Variants in CCDC171 observed in about 807,000 individuals in gnomAD.
CCDC171 encodes the protein coiled-coil domain containing 171.
Under a neutral mutation model 168.2 loss-of-function variants are expected in CCDC171, and 177 were observed. The ratio of observed to expected loss-of-function variants is 1.05; its 90% CI spans 0.93 to 1.19. The LOEUF is 1.19. Ranked by LOEUF, CCDC171 falls within the 50% of genes most tolerant of loss-of-function variation. The pLI is 0.00. For synonymous variants in CCDC171, 687 were observed against 540.8 expected, an observed-to-expected ratio of 1.27 and a Z score of -3.75; for missense variants, 1,991 against 1,539.0, an observed-to-expected ratio of 1.29 and a Z score of -4.91.
intron 18 of CCDC171, among the ~76,000 whole-genome samples, chr9:15,761,127 T>C (rs2056422555): frequency 1.3e-5 from 2 of 152,202 alleles, no homozygotes; most frequent in African/African-American, 2.4e-5. Flanking sequence ...TAGATGGACA[T>C]AAGTAGAATG....
chr9:15,843,495 T>C (rs2060770572), intron 21 of CCDC171, among the ~76,000 whole-genome samples: 2 of 152,030 alleles, frequency 1.3e-5, no homozygotes, highest in African/African-American at 2.4e-5. Context: ...GAGTACAAAA[T>C]GAGGGCTGTA....
rs77106867 is a variant in CCDC171 at position 15,765,955 on chromosome 9, A to G, written c.2672-11645A>G. 3.8e-3 allele frequency among the ~76,000 whole-genome samples: 576 copies of G among 152,318 alleles called. 3 individuals carry two copies. Among genetic ancestry groups the G allele is most frequent in the African/African-American group, 0.013 (543 of 41,570 alleles). On this transcript the variant is annotated intron_variant, in intron 18 of 25. Coordinates refer to ENST00000380701, the MANE Select transcript of CCDC171 (RefSeq NM_173550.4). ...TTTTTCAGGGAAGTTTATGTAACGA[A>G]CAGCCTCGGAAAATAAAGACAGTAC...
chr9:16,012,783 G>A (rs1392549511), intron 3 of CCDC171, among the ~76,000 whole-genome samples: 1 of 152,144 alleles, frequency 6.6e-6, no homozygotes, highest in East Asian at 1.9e-4. Context: ...ATATTCCCCA[G>A]TGTCTGGGAT....
intron 6 of CCDC171, among the ~76,000 whole-genome samples, chr9:16,027,255 T>A (rs1383102205): frequency 2.6e-5 from 4 of 152,208 alleles, no homozygotes; most frequent in African/African-American, 7.2e-5. Flanking sequence ...AATGATATTT[T>A]ATTTAAAGGT....
intron 1 of CCDC171, among the ~76,000 whole-genome samples, chr9:15,556,723 G>A (rs559630678): frequency 0.012 from 1,789 of 151,878 alleles, 25 homozygotes; most frequent in Middle Eastern, 0.041. Flanking sequence ...TTCTTTTGCT[G>A]TGCAGAAGCT....
Position 15,582,508 on chromosome 9 carries a change from T to C in CCDC171, c.352+3485T>C, listed in dbSNP as rs575215375. On this transcript the variant is annotated intron_variant, in intron 4 of 25. Transcript: ENST00000380701. ...ATGTTTATTGTGGCACTGTTCACAA[T>C]AGCAAAGACTTGGAACCAACCCAAA... 1.3e-3 allele frequency among the ~76,000 whole-genome samples: 201 copies of C among 152,254 alleles called. 1 individual carries two copies. Among genetic ancestry groups the C allele is most frequent in the African/African-American group, 4.7e-3 (197 of 41,534 alleles).
intron 23 of CCDC171, among the ~76,000 whole-genome samples, chr9:15,849,661 G>A (rs1461523486): frequency 6.6e-6 from 1 of 151,614 alleles, no homozygotes; most frequent in African/African-American, 2.4e-5. Flanking sequence ...ATGTGTTTCT[G>A]CTACTGTCTG....
intron 1 of CCDC171, among the ~76,000 whole-genome samples, chr9:16,046,485 A>G (rs566641288): frequency 3.3e-5 from 5 of 152,332 alleles, no homozygotes; most frequent in African/African-American, 1.2e-4. Flanking sequence ...TTCAGTGGAC[A>G]TATTTTTCCC....
At chr9:16,097,905 C>T in the CCDC171 span, among the ~76,000 whole-genome samples, 2 of 152,214 alleles carry the variant, frequency 1.3e-5, no homozygotes, top group African/African-American at 2.4e-5. Context: ...CTTTGCACCC[C>T]ATGCATCCTG....
intron 7 of CCDC171, among the ~76,000 whole-genome samples, chr9:15,653,458 GTAAA>G (rs777844594): frequency 1.6e-4 from 24 of 151,454 alleles, no homozygotes; most frequent in Non-Finnish European, 2.9e-4. Context: ...TGTTAATTGG[GTAAA>G]TAATGATACC....
intron 7 of CCDC171, among the ~76,000 whole-genome samples, chr9:15,647,262 G>A (rs2047121022): frequency 6.6e-6 from 1 of 151,980 alleles, no homozygotes; most frequent in Non-Finnish European, 1.5e-5. Flanking sequence ...GTGTGTAGAG[G>A]GAAATATATA....
chr9:16,043,116 G>C (rs575724675), intron 1 of CCDC171, among the ~76,000 whole-genome samples: 2 of 152,262 alleles, frequency 1.3e-5, no homozygotes, highest in South Asian at 4.1e-4. Context: ...CAAGGTCCAA[G>C]GATGCTGAAG....
chr9:15,660,495 C>G (rs921084906), intron 8 of CCDC171, among the ~76,000 whole-genome samples: 2 of 152,114 alleles, frequency 1.3e-5, no homozygotes, highest in African/African-American at 2.4e-5. Flanking sequence ...CTAGTAGTCC[C>G]CAGTGTGTAT....
chr9:15,732,311 G>C (rs945548241), intron 16 of CCDC171, among the ~76,000 whole-genome samples: 8 of 152,028 alleles, frequency 5.3e-5, no homozygotes, highest in Non-Finnish European at 1.2e-4. Context: ...CATAGTTTTA[G>C]CTTTTACGTC....
At chr9:15,858,268 C>T (rs968254128) in intron 23 of CCDC171, among the ~76,000 whole-genome samples, 2 of 152,046 alleles carry the variant, frequency 1.3e-5, no homozygotes, top group African/African-American at 4.8e-5. Context: ...GATCCACGTC[C>T]TTGGCCTCCC....
chr9:15,784,969 A>G (rs1411423389), intron 21 of CCDC171, among the ~76,000 whole-genome samples: 2 of 152,100 alleles, frequency 1.3e-5, no homozygotes, highest in African/African-American at 2.4e-5. Flanking sequence ...TTAACAATAA[A>G]TTTTTGTTTC....
At chr9:15,810,524 G>A (rs1251092680) in intron 21 of CCDC171, among the ~76,000 whole-genome samples, 3 of 152,254 alleles carry the variant, frequency 2.0e-5, no homozygotes, top group Admixed American at 6.5e-5. Flanking sequence ...GGCATGGCGG[G>A]CTGCAGGTCC....
chr9:15,924,328 A>G (rs1411381862), intron 25 of CCDC171, among the ~76,000 whole-genome samples: 1 of 151,276 alleles, frequency 6.6e-6, no homozygotes, highest in Non-Finnish European at 1.5e-5. Context: ...TGTGGCTTGC[A>G]TGTCAGGGCT....
chr9:15,762,444 A>T (rs1381855211), intron 18 of CCDC171, among the ~76,000 whole-genome samples: 1 of 152,214 alleles, frequency 6.6e-6, no homozygotes, highest in Non-Finnish European at 1.5e-5. Context: ...ATGGTAGCCT[A>T]CACACTTGTG....
Sources: allele counts gnomAD v4.1 joint callset (sites outside exome capture counted in the v4.1 genomes callset), GRCh38; gene constraint gnomAD v4.1.1; transcripts MANE v1.5; gene names NCBI Gene and HGNC (gene_info 2026-07-23, HGNC 2026-07-21).